The following PDGFRB variants were observed in gnomAD, a reference collection of about 807,000 sequenced individuals.
PDGFRB encodes platelet-derived growth factor receptor beta.
Under a neutral mutation model 120.2 loss-of-function variants are expected in PDGFRB, and 42 were observed. The observed-to-expected ratio is 0.35, with a 90% CI of 0.27 to 0.45. The LOEUF is 0.45. Among genes scored for constraint, PDGFRB ranks in the 20% least tolerant of loss-of-function variants. The probability of loss-of-function intolerance (pLI) is 1.00; values close to 1 mark genes in which losing one functional copy is unlikely to be tolerated. For missense variants in PDGFRB, 1,149 were observed against 1,476.3 expected, an observed-to-expected ratio of 0.78 and a Z score of 3.63; for synonymous variants, 586 against 606.8, an observed-to-expected ratio of 0.97 and a Z score of 0.50.
chr5:150,138,975 G>A (rs1760710314), intron 1 of PDGFRB, among the ~76,000 whole-genome samples: 1 of 152,236 alleles, frequency 6.6e-6, no homozygotes, highest in Admixed American at 6.5e-5. Context: ...CACTGCAGCG[G>A]GGCTGGCCTG....
Position 150,120,502 on chromosome 5 carries a change from G to C in PDGFRB, c.2587-379C>G, listed in dbSNP as rs944029245. The stretch of plus-strand genomic sequence containing the variant: ...TTTGCGGAAAAGTGGGGAGATGAGA[G>C]ACAGGCAGGATGATCACGTTTTAAC... On this transcript the variant is annotated intron_variant, in intron 18 of 22. Transcript: ENST00000261799. The surrounding 1 kb of genome is among the most constrained non-coding windows in gnomAD (Gnocchi z 4.3). 2.6e-5 allele frequency among the ~76,000 whole-genome samples: 4 copies of C among 152,290 alleles called. No homozygotes were observed. Among genetic ancestry groups the C allele is most frequent in the Middle Eastern group, 3.4e-3 (1 of 294 alleles).
intron 15 of PDGFRB, among the ~76,000 whole-genome samples, chr5:150,122,604 C>T (rs138738515): frequency 5.7e-4 from 87 of 152,360 alleles, no homozygotes; most frequent in Non-Finnish European, 1.0e-3. Flanking sequence ...TAATCAGCAA[C>T]AGAACTAAGA....
At chr5:150,150,338 T>G (rs191169861) in intron 1 of PDGFRB, among the ~76,000 whole-genome samples, 15 of 152,192 alleles carry the variant, frequency 9.9e-5, no homozygotes, top group Non-Finnish European at 2.1e-4. Flanking sequence ...AATAAAGCAG[T>G]TGGATCAGGT....
chr5:150,120,174 A>C lies in PDGFRB; in HGVS notation c.2587-51T>G. 1 of 815,350 alleles carries C rather than the reference A, an allele frequency of 1.2e-6. No individual in the cohort carries two copies. Among genetic ancestry groups the C allele is most frequent in the Non-Finnish European group, 2.2e-6 (1 of 452,628 alleles). 50.5% of individuals were successfully genotyped at this position (815,350 alleles called of 1,614,324 possible). A position where few individuals can be genotyped will look rare whatever the true frequency, so the allele number is the denominator to read the frequency against. On this transcript the variant is annotated intron_variant, in intron 18 of 22. Transcript: ENST00000261799. The surrounding 1 kb of genome is among the most constrained non-coding windows in gnomAD (Gnocchi z 4.3). ...GAGTGCAAGGAAGGACCTCAGCCCCACTCTGCACCTGGGATGGGAGGAGGG... is the reference window on the plus strand; with the variant it reads ...GAGTGCAAGGAAGGACCTCAGCCCCCCTCTGCACCTGGGATGGGAGGAGGG...
chr5:150,150,215 C>T (rs1761035469), intron 1 of PDGFRB, among the ~76,000 whole-genome samples: 1 of 152,158 alleles, frequency 6.6e-6, no homozygotes, highest in African/African-American at 2.4e-5. Context: ...AGACCCAGCA[C>T]CTGTGGTGGA....
At chr5:150,143,155 T>C (rs1212163857) in intron 1 of PDGFRB, among the ~76,000 whole-genome samples, 3 of 152,184 alleles carry the variant, frequency 2.0e-5, no homozygotes, top group Admixed American at 6.5e-5. Flanking sequence ...CAGTGCAAGA[T>C]TTCATCACAC....
Position 150,121,015 on chromosome 5 carries a change from G to T in PDGFRB, c.2464-5C>A. On this transcript the variant is annotated splice_region_variant and splice_polypyrimidine_tract_variant and intron_variant, in intron 17 of 22. Transcript: ENST00000261799. The surrounding 1 kb of genome is among the most constrained non-coding windows in gnomAD (Gnocchi z 4.1). ...CGCCAGGTCTCTGTGGACGCACTGG[G>T]TTTGGGGAGAGGGGAGCTGAGGCCT... 1 of 1,613,996 alleles carries T rather than the reference G, an allele frequency of 6.2e-7. No individual in the cohort carries two copies. The highest frequency in any genetic ancestry group is 8.5e-7 in the Non-Finnish European group (1 of 1,179,838).
intron 1 of PDGFRB, among the ~76,000 whole-genome samples, chr5:150,142,060 G>A (rs779613132): frequency 9.9e-5 from 15 of 152,114 alleles, no homozygotes; most frequent in Non-Finnish European, 1.8e-4. Context: ...CCTGGCCATG[G>A]GGTTATGGGG....
intron 1 of PDGFRB, among the ~76,000 whole-genome samples, chr5:150,142,681 T>C (rs147973605): frequency 9.0e-4 from 136 of 151,626 alleles, no homozygotes; most frequent in African/African-American, 3.2e-3. Context: ...TGCCTGAAAC[T>C]TTGGATAAAA....
intron 4 of PDGFRB, among the ~76,000 whole-genome samples, chr5:150,134,295 A>C (rs2113909851): frequency 6.6e-6 from 1 of 152,258 alleles, no homozygotes; most frequent in Middle Eastern, 3.4e-3. Flanking sequence ...TGTACAGGAG[A>C]AATGTATTGA....
rs373049018 is a variant in PDGFRB, at chr5:150,126,558, T to C, written c.1636A>G (p.Ile546Val). The change falls in exon 11 of 23, where the codon ATC (isoleucine) becomes GTC (valine). Residue 546 changes from isoleucine (I) to valine (V), a missense_variant. Coordinates refer to ENST00000261799, the MANE Select transcript of PDGFRB (RefSeq NM_002609.4). ...SAILALVVLT[I>V]ISLIILIMLW... Reference sequence around the variant, plus strand: ...ATGATGAGGATGATAAGGGAGATGATGGTGAGCACCACCAGGGCCAGGATG... The same window carrying C: ...ATGATGAGGATGATAAGGGAGATGACGGTGAGCACCACCAGGGCCAGGATG... 3.2e-5 allele frequency: 51 copies of C among 1,610,294 alleles called. No homozygotes were observed. In the African/African-American group the frequency reaches 5.6e-4, roughly 18 times the overall value.
Position 150,122,112 on chromosome 5 carries a change from C to G in PDGFRB, c.2184-72G>C, listed in dbSNP as rs575267240. On this transcript the variant is annotated intron_variant, in intron 15 of 22. Coordinates refer to ENST00000261799, the MANE Select transcript of PDGFRB (RefSeq NM_002609.4). ...CCCTCCCCTCCTGCCCCTTGCCACTCATGAATTTCTTCTCTCACTCACACA... is the reference window on the plus strand; with the variant it reads ...CCCTCCCCTCCTGCCCCTTGCCACTGATGAATTTCTTCTCTCACTCACACA... 34 of 1,179,104 alleles carry G rather than the reference C, an allele frequency of 2.9e-5. No homozygotes were observed. In the African/African-American group the frequency reaches 5.1e-4, roughly 18 times the overall value. The allele number at this position is 1,179,104 out of a possible 1,614,324, so 73.0% of individuals were successfully genotyped here.
intron 22 of PDGFRB, 128 bp downstream of exon 22, chr5:150,117,490 C>G (rs941789313): frequency 1.6e-6 from 1 of 614,076 alleles, no homozygotes; most frequent in Non-Finnish European, 2.9e-6. Flanking sequence ...GGGATAAGTA[C>G]TTACCCTACG....
Position 150,117,508 on chromosome 5 carries a change from C to T in PDGFRB, c.3137+110G>A, listed in dbSNP as rs182439467. On this transcript the variant is annotated intron_variant, in intron 22 of 22. Coordinates refer to ENST00000261799, the MANE Select transcript of PDGFRB (RefSeq NM_002609.4). ...ATAAGTACTTACCCTACGTAACTTA[C>T]CTCTGAGGCAAACCTGGCAGCGCGC... The T allele has an allele frequency of 4.9e-5, 32 of 656,922 alleles. No individual in the cohort carries two copies. In the African/African-American group the frequency reaches 5.6e-4, roughly 11 times the overall value. The allele number at this position is 656,922 out of a possible 1,614,324, so 40.7% of individuals were successfully genotyped here.
At chr5:150,134,579 C>A (rs950899329) in intron 4 of PDGFRB, 171 bp downstream of exon 4, 9 of 638,792 alleles carry the variant, frequency 1.4e-5, no homozygotes, top group African/African-American at 5.6e-5. Context: ...CCTCTCTCTG[C>A]GCCTGAGTTT....
chr5:150,136,169 C>T (rs1422018053), intron 2 of PDGFRB, among the ~76,000 whole-genome samples: 3 of 152,210 alleles, frequency 2.0e-5, no homozygotes, highest in South Asian at 2.1e-4. Flanking sequence ...AGGAAATCCT[C>T]GGGAAGCAAT....
intron 1 of PDGFRB, among the ~76,000 whole-genome samples, chr5:150,143,076 T>C (rs1380514248): frequency 6.6e-6 from 1 of 151,900 alleles, no homozygotes; most frequent in East Asian, 1.9e-4. Flanking sequence ...GTGGACTTTG[T>C]TGATGACTAA....
Position 150,115,618 on chromosome 5 carries a change from C to T in PDGFRB, c.*145G>A. 1.4e-6 allele frequency: 1 copy of T among 729,498 alleles called. No homozygotes were observed. The highest frequency in any genetic ancestry group is 2.1e-6 in the Non-Finnish European group (1 of 484,444). The allele number at this position is 729,498 out of a possible 1,614,324, so 45.2% of individuals were successfully genotyped here. A position where few individuals can be genotyped will look rare whatever the true frequency, so the allele number is the denominator to read the frequency against. On this transcript the variant is annotated 3_prime_UTR_variant, in exon 23 of 23. Coordinates refer to ENST00000261799, the MANE Select transcript of PDGFRB (RefSeq NM_002609.4). ...TAAGCCAGCCCCAGGGTTTGGGGCA[C>T]AACACGTCAGGAGCAGAAAGCTTCC...
Position 150,133,688 on chromosome 5 carries a change from T to A in PDGFRB, c.832A>T (p.Ile278Phe). 6.2e-7 allele frequency: 1 copy of A among 1,613,962 alleles called. No homozygotes were observed. The highest frequency in any genetic ancestry group is 8.5e-7 in the Non-Finnish European group (1 of 1,179,848). ...MPYHIRSILH[I>F]PSAELEDSGT... The stretch of plus-strand genomic sequence containing the variant: ...GAGTCTTCTAACTCGGCACTGGGGA[T>A]GTGCAGGATGGAGCGGATGTGGTAA... Residue 278 changes from isoleucine (I) to phenylalanine (F), a missense_variant, in exon 6 of 23, where the codon ATC becomes TTC. Around this residue, in one of 3 missense-constraint regions of PDGFRB, gnomAD observed 879 missense variants for 1,108.6 expected, o/e 0.79. Transcript: ENST00000261799.
Sources: gnomAD v4.1 joint callset for allele counts (sites outside exome capture counted in the v4.1 genomes callset) on GRCh38, gnomAD v4.1.1 for gene constraint, gnomAD v4.1.1 regional missense constraint, Gnocchi (gnomAD v3.1) non-coding constraint, MANE v1.5 for transcripts, NCBI Gene and HGNC (gene_info 2026-07-23, HGNC 2026-07-21) for gene names.